Variants in COL1A1 observed in about 807,000 individuals in gnomAD.
COL1A1 encodes the protein collagen type I alpha 1 chain.
In COL1A1, 21 loss-of-function variants were observed where a neutral mutation model predicts 195.7. The observed-to-expected ratio is 0.11, with a 90% CI of 0.08 to 0.15. The LOEUF (loss-of-function observed/expected upper bound fraction) is 0.15, where lower values mean the gene tolerates loss of function less well. COL1A1 is among the 10% of genes least tolerant of loss of function. COL1A1 has a pLI of 1.00. For synonymous variants in COL1A1, 749 were observed against 747.3 expected (o/e 1.00, Z -0.04); for missense variants, 1,365 against 2,051.0 (o/e 0.67, Z 6.46).
chr17:50,191,842 AG>A lies in COL1A1; in HGVS notation c.2072del (p.Pro691LeufsTer75), dbSNP rs72651639. ...FPGERGVQGP[P>X]GPAGPRGANG... ...TGGCCCCTCGGGGACCAGCAGGACCAGGGGGACCTTGCACACCACGCTCGCC... is the reference window on the plus strand; with the variant it reads ...TGGCCCCTCGGGGACCAGCAGGACCAGGGGACCTTGCACACCACGCTCGCC... On this transcript the variant is annotated frameshift_variant, in exon 31 of 51. Transcript: ENST00000225964. LOFTEE classifies it high-confidence loss of function. 6.2e-7 allele frequency: 1 copy of A among 1,603,798 alleles called. No individual in the cohort carries two copies. Among genetic ancestry groups the A allele is most frequent in the African/African-American group, 1.3e-5 (1 of 74,898 alleles).
chr17:50,184,475 CAAAAAAA>C lies in COL1A1; in HGVS notation c.*1020_*1026del, dbSNP rs58879635. On this transcript the variant is annotated 3_prime_UTR_variant, in exon 51 of 51. Coordinates refer to ENST00000225964, the MANE Select transcript of COL1A1 (RefSeq NM_000088.4). ...AGAAAAATTCACAAGTCCCCATCCA[CAAAAAAA>C]AAAAAAAAAAAAGAAAAATATCAAG... 9 of 122,228 alleles carry C rather than the reference CAAAAAAA, an allele frequency of 7.4e-5. No individual in the cohort carries two copies. Among genetic ancestry groups the C allele is most frequent in the African/African-American group, 1.7e-4 (4 of 23,190 alleles). 7.6% of individuals were successfully genotyped at this position (122,228 alleles called of 1,614,324 possible).
In COL1A1 at chr17:50,189,410, G is replaced by A. The variant is rs746453576; in HGVS notation, c.2796C>T (p.Gly932=). Residue 932 remains glycine (G), a synonymous_variant, in exon 39 of 51, where the codon GGC becomes GGT. Coordinates refer to ENST00000225964, the MANE Select transcript of COL1A1 (RefSeq NM_000088.4). The surrounding 1 kb of genome is among the most constrained non-coding windows in gnomAD (Gnocchi z 5.5). ...CATCAGCACCAGGGGATCCTTTCTC[G>A]CCAGCAGGGCCAGGGGGACCAGGGG... is the stretch of plus-strand genomic sequence containing the variant. The part of the protein sequence containing the change: ...VGPPGPPGPA[G]EKGSPGADGP... 23 of 1,613,016 alleles carry A rather than the reference G, an allele frequency of 1.4e-5. No individual in the cohort carries two copies. The highest frequency in any genetic ancestry group is 4.4e-5 in the South Asian group (4 of 91,042).
chr17:50,196,769 C>A, intron 11 of COL1A1, 99 bp from the exon 12 acceptor site: 3 of 1,356,562 alleles, frequency 2.2e-6, no homozygotes, highest in Admixed American at 1.7e-5. Context: ...AGGTCATCAC[C>A]GCCATCCCTT....
At chr17:50,201,356 C>A in intron 1 of COL1A1, 55 bp downstream of exon 1, 1 of 1,555,724 alleles carries the variant, frequency 6.4e-7, no homozygotes, top group South Asian at 1.1e-5. Context: ...CCCCCGGGAC[C>A]AAGCGCAAGG....
At position 50,200,153 on chromosome 17, in the gene COL1A1, T is replaced by C. The variant is rs1193139580; in HGVS notation, c.104-206A>G. 8.1e-6 allele frequency: 5 copies of C among 620,182 alleles called. No homozygotes were observed. The Admixed American group carries it at 1.1e-4, about 13-fold the overall frequency. 38.4% of individuals were successfully genotyped at this position (620,182 alleles called of 1,614,324 possible). A position where few individuals can be genotyped will look rare whatever the true frequency, so the allele number is the denominator to read the frequency against. On this transcript the variant is annotated intron_variant, in intron 1 of 50. Coordinates refer to ENST00000225964, the MANE Select transcript of COL1A1 (RefSeq NM_000088.4). Reference sequence around the variant, plus strand: ...CGCCTGGCCAGGGAGGCTGTAACTCTTTCCAGTTCTCAGGAATTTAAACAA... The same window carrying C: ...CGCCTGGCCAGGGAGGCTGTAACTCCTTCCAGTTCTCAGGAATTTAAACAA...
Position 50,194,116 on chromosome 17 carries a change from G to C in COL1A1, c.1668+14C>G. On this transcript the variant is annotated intron_variant, in intron 24 of 50. Transcript: ENST00000225964. This position sits in a 1 kb window ranked among gnomAD's most constrained non-coding sequence, Gnocchi z 6.8. Reference sequence around the variant, plus strand: ...CAGGACAATGGCAGGGGGTTCAGGGGGAGTGATACTTACAGGGGGGCCAGT... The same window carrying C: ...CAGGACAATGGCAGGGGGTTCAGGGCGAGTGATACTTACAGGGGGGCCAGT... 6.2e-7 allele frequency: 1 copy of C among 1,613,204 alleles called. No homozygotes were observed. The highest frequency in any genetic ancestry group is 2.2e-5 in the East Asian group (1 of 44,862).
At position 50,185,295 on chromosome 17, in the gene COL1A1, T is replaced by G; in HGVS notation, c.*207A>C. 2.7e-6 allele frequency: 1 copy of G among 374,576 alleles called. No homozygotes were observed. The highest frequency in any genetic ancestry group is 3.3e-5 in the South Asian group (1 of 30,356). The allele number at this position is 374,576 out of a possible 1,614,324, so 23.2% of individuals were successfully genotyped here. A position where few individuals can be genotyped will look rare whatever the true frequency, so the allele number is the denominator to read the frequency against. On this transcript the variant is annotated 3_prime_UTR_variant, in exon 51 of 51. Coordinates refer to ENST00000225964, the MANE Select transcript of COL1A1 (RefSeq NM_000088.4). ...TTTTTTTGGTAAGGTTGAATGCACT[T>G]TTGGTTTTTGGTCATGTTCGGTTGG...
rs376952420 is a variant in COL1A1 at position 50,187,224 on chromosome 17, G to A, written c.3424-102C>T. ...CCTCCCTGCTGGCTCTGGCCCCACG[G>A]CTCATAGAGCCAGCCTCAGCCTCTT... On this transcript the variant is annotated intron_variant, in intron 46 of 50. Transcript: ENST00000225964. 4.9e-6 allele frequency: 5 copies of A among 1,023,118 alleles called. No homozygotes were observed. In the East Asian group the frequency reaches 1.0e-4, roughly 21 times the overall value. The allele number at this position is 1,023,118 out of a possible 1,614,324, so 63.4% of individuals were successfully genotyped here.
At position 50,186,294 on chromosome 17, in the gene COL1A1, G is replaced by T; in HGVS notation, c.4005+23C>A. The T allele has an allele frequency of 6.2e-7, 1 of 1,613,678 alleles. No individual in the cohort carries two copies. The stretch of plus-strand genomic sequence containing the variant: ...TGGGCTAGCCCATCTCCTAACACTG[G>T]CTCTGAGGTCCAGCTCACGCACCTG... On this transcript the variant is annotated intron_variant, in intron 49 of 50. Transcript: ENST00000225964. The surrounding 1 kb of genome is among the most constrained non-coding windows in gnomAD (Gnocchi z 5.3).
Position 50,188,696 on chromosome 17 carries a change from G to T in COL1A1, c.3099+46C>A. On this transcript the variant is annotated intron_variant, in intron 42 of 50. Coordinates refer to ENST00000225964, the MANE Select transcript of COL1A1 (RefSeq NM_000088.4). The surrounding 1 kb of genome is among the most constrained non-coding windows in gnomAD (Gnocchi z 5.6). ...CCGGGTGAAGGGCCAGGATGGGGCA[G>T]GGAAGCAGCAGACAAGGCTGTGGTC... 6.2e-7 allele frequency: 1 copy of T among 1,613,664 alleles called. No homozygotes were observed. Among genetic ancestry groups the T allele is most frequent in the Non-Finnish European group, 8.5e-7 (1 of 1,179,550 alleles).
At chr17:50,191,028 C>G (rs774530381) in intron 32 of COL1A1, 104 bp from the exon 33 acceptor site, 3 of 1,049,202 alleles carry the variant, frequency 2.9e-6, no homozygotes, top group Non-Finnish European at 4.3e-6. Flanking sequence ...GCAGCTCTGC[C>G]CTGCCTCCAC....
chr17:50,198,190 G>C lies in COL1A1; in HGVS notation c.559C>G (p.Arg187Gly). Reference protein sequence around the residue: ...VPGPMGPSGPRGLPGPPGAPG... With the variant: ...VPGPMGPSGPGGLPGPPGAPG... ...GCACCAGGGGGGCCAGGGAGACCAC[G>C]AGGACCAGAGGGACCCTATAGAGGG... The change falls in exon 7 of 51, where the codon CGT (arginine) becomes GGT (glycine). Residue 187 changes from arginine to glycine, a missense_variant. Around this residue, in one of 5 missense-constraint regions of COL1A1, gnomAD observed 226 missense variants for 372.9 expected, o/e 0.61. Transcript: ENST00000225964. 1 of 1,614,122 alleles carries C rather than the reference G, an allele frequency of 6.2e-7. No individual in the cohort carries two copies. The highest frequency in any genetic ancestry group is 8.5e-7 in the Non-Finnish European group (1 of 1,180,006).
rs1907438921 is a variant in COL1A1 at position 50,194,928 on chromosome 17, G to T, written c.1354-100C>A. ...TGGGCCTCCAGTGTCAGGGGTTCCT[G>T]GGGGTGTGGCAGGGACTCCCCCAGA... is the stretch of plus-strand genomic sequence containing the variant. On this transcript the variant is annotated intron_variant, in intron 20 of 50. Transcript: ENST00000225964. The surrounding 1 kb of genome is among the most constrained non-coding windows in gnomAD (Gnocchi z 6.8). The T allele has an allele frequency of 6.8e-7, 1 of 1,478,292 alleles. No homozygotes were observed. The highest frequency in any genetic ancestry group is 9.4e-7 in the Non-Finnish European group (1 of 1,064,322). The allele number at this position is 1,478,292 out of a possible 1,614,324, so 91.6% of individuals were successfully genotyped here. A position where few individuals can be genotyped will look rare whatever the true frequency, so the allele number is the denominator to read the frequency against.
intron 1 of COL1A1, among the ~76,000 whole-genome samples, chr17:50,201,020 T>A (rs1908045247): frequency 6.6e-6 from 1 of 152,208 alleles, no homozygotes; most frequent in Non-Finnish European, 1.5e-5. Flanking sequence ...GAGAGGGCAA[T>A]CTTTCCTTAT....
In COL1A1 at chr17:50,188,874, T is replaced by C; in HGVS notation, c.3045+29A>G. On this transcript the variant is annotated intron_variant, in intron 41 of 50. Coordinates refer to ENST00000225964, the MANE Select transcript of COL1A1 (RefSeq NM_000088.4). This position sits in a 1 kb window ranked among gnomAD's most constrained non-coding sequence, Gnocchi z 5.6. ...AAGGCCACAATGGCCATGCTGAGGGTACTGGCATGGGGGCTGGGGACTGCT... is the reference window on the plus strand; with the variant it reads ...AAGGCCACAATGGCCATGCTGAGGGCACTGGCATGGGGGCTGGGGACTGCT... The C allele has an allele frequency of 6.4e-7, 1 of 1,553,882 alleles. No homozygotes were observed. The highest frequency in any genetic ancestry group is 8.9e-7 in the Non-Finnish European group (1 of 1,125,802).
In COL1A1 at chr17:50,190,270, C is replaced by T; in HGVS notation, c.2451+57G>A. On this transcript the variant is annotated intron_variant, in intron 35 of 50. Coordinates refer to ENST00000225964, the MANE Select transcript of COL1A1 (RefSeq NM_000088.4). The surrounding 1 kb of genome is among the most constrained non-coding windows in gnomAD (Gnocchi z 4.7). Reference sequence around the variant, plus strand: ...CTGACGCCTTTGTCCTCATTCCGTCCCTCGAGGTCCCAGGTCCCAGTCGGT... The same window carrying T: ...CTGACGCCTTTGTCCTCATTCCGTCTCTCGAGGTCCCAGGTCCCAGTCGGT... The T allele has an allele frequency of 7.4e-7, 1 of 1,359,998 alleles. No individual in the cohort carries two copies. The highest frequency in any genetic ancestry group is 1.1e-6 in the Non-Finnish European group (1 of 948,208). The allele number at this position is 1,359,998 out of a possible 1,614,324, so 84.2% of individuals were successfully genotyped here. A position where few individuals can be genotyped will look rare whatever the true frequency, so the allele number is the denominator to read the frequency against.
rs377166880 is a variant in COL1A1 at position 50,194,980 on chromosome 17, G to A, written c.1353+67C>T. ...GACTAGGGGCTCCTCTTCCTTTCTG[G>A]ATTTCCCTCAGGGGGCTCCTAGGGC... On this transcript the variant is annotated intron_variant, in intron 20 of 50. Transcript: ENST00000225964. This position sits in a 1 kb window ranked among gnomAD's most constrained non-coding sequence, Gnocchi z 6.8. The A allele has an allele frequency of 2.3e-5, 34 of 1,509,682 alleles. No individual in the cohort carries two copies. The African/African-American group carries it at 4.4e-4, about 20-fold the overall frequency. 93.5% of individuals were successfully genotyped at this position (1,509,682 alleles called of 1,614,324 possible).
At position 50,201,573 on chromosome 17, in the gene COL1A1, G is replaced by C; in HGVS notation, c.-60C>G. 1 of 1,482,364 alleles carries C rather than the reference G, an allele frequency of 6.7e-7. No individual in the cohort carries two copies. The highest frequency in any genetic ancestry group is 1.2e-5 in the South Asian group (1 of 83,012). 91.8% of individuals were successfully genotyped at this position (1,482,364 alleles called of 1,614,324 possible). On this transcript the variant is annotated 5_prime_UTR_variant, in exon 1 of 51. Transcript: ENST00000225964. Reference sequence around the variant, plus strand: ...GGGGAGGGGGTTAGCGTCCGCTCATGCGTGGCCTCACACTCCGCGTGCCTC... The same window carrying C: ...GGGGAGGGGGTTAGCGTCCGCTCATCCGTGGCCTCACACTCCGCGTGCCTC...
Position 50,198,485 on chromosome 17 carries a change from G to A in COL1A1, c.491C>T (p.Ser164Phe). The part of the protein sequence containing the change: ...GLGGNFAPQL[S>F]YGYDEKSTGG... ...GGTTGATTTCTCATCATAGCCATAA[G>A]ACAGCTGGGGAGCAAAGTTCTAGAA... is the stretch of plus-strand genomic sequence containing the variant. Residue 164 changes from serine to phenylalanine, a missense_variant, in exon 6 of 51, where the codon TCT (serine) becomes TTT (phenylalanine). Ser to Phe is a radical substitution (Grantham distance 155). Transcript: ENST00000225964. 2.5e-6 allele frequency: 4 copies of A among 1,613,142 alleles called. No homozygotes were observed. The highest frequency in any genetic ancestry group is 3.4e-6 in the Non-Finnish European group (4 of 1,179,662).
Sources: gnomAD v4.1 joint callset for allele counts (sites outside exome capture counted in the v4.1 genomes callset) on GRCh38, gnomAD v4.1.1 for gene constraint, gnomAD v4.1.1 regional missense constraint, Gnocchi (gnomAD v3.1) non-coding constraint, MANE v1.5 for transcripts, NCBI Gene and HGNC (gene_info 2026-07-23, HGNC 2026-07-21) for gene names.